The following RBBP8 variants were observed in gnomAD, a reference collection of about 807,000 sequenced individuals.
RBBP8 encodes DNA endonuclease RBBP8.
A neutral mutation model predicts 108.3 loss-of-function variants in RBBP8; 88 were observed. The ratio of observed to expected loss-of-function variants is 0.81; its 90% CI spans 0.68 to 0.97. The LOEUF (loss-of-function observed/expected upper bound fraction) is 0.97, where lower values mean the gene tolerates loss of function less well. RBBP8 is among the 50% of genes least tolerant of loss of function. The pLI, the probability that RBBP8 is intolerant of heterozygous loss-of-function variation, is 0.00. For missense variants in RBBP8, 1,023 were observed against 1,049.0 expected, an observed-to-expected ratio of 0.98 and a Z score of 0.34; for synonymous variants, 332 against 348.2, an observed-to-expected ratio of 0.95 and a Z score of 0.52.
At chr18:23,007,808 T>A (rs2046083010) in intron 16 of RBBP8, among the ~76,000 whole-genome samples, 2 of 151,522 alleles carry the variant, frequency 1.3e-5, no homozygotes, top group Admixed American at 6.6e-5. Flanking sequence ...AAGCATGTTT[T>A]GTTTTTTTGG....
chr18:22,994,719 T>TATC (rs779400900), intron 12 of RBBP8, among the ~76,000 whole-genome samples: 12 of 149,714 alleles, frequency 8.0e-5, no homozygotes, highest in African/African-American at 2.2e-4. Context: ...TGCTATATTT[T>TATC]ATTATTATTA....
chr18:23,012,207 C>CAAAAAAAAAAAAAA lies in RBBP8; in HGVS notation c.2358-4621_2358-4620insAAAAAAAAAAAAAA, dbSNP rs368600707. Among the ~76,000 whole-genome samples, 8 of 81,176 alleles carry CAAAAAAAAAAAAAA rather than the reference C, an allele frequency of 9.9e-5. 4 individuals carry two copies. Among genetic ancestry groups the CAAAAAAAAAAAAAA allele is most frequent in the Admixed American group, 3.4e-4 (2 of 5,896 alleles). The allele number at this position is 81,176 out of a possible 152,430, so 53.3% of individuals were successfully genotyped here. A position where few individuals can be genotyped will look rare whatever the true frequency, so the allele number is the denominator to read the frequency against. ...TGGGAGACAAAGTGAGATGCTGTCT[C>CAAAAAAAAAAAAAA]CAAAAAAAAAAAAAAAAAAAAAAAC... On this transcript the variant is annotated intron_variant, in intron 16 of 18. Transcript: ENST00000327155.
At chr18:22,928,193 T>C (rs1157634893) in intron 3 of RBBP8, among the ~76,000 whole-genome samples, 2 of 149,878 alleles carry the variant, frequency 1.3e-5, no homozygotes, top group Non-Finnish European at 2.9e-5. Context: ...AGAGTAAGAC[T>C]TTGTCTCCAA....
At chr18:22,957,286 TTTTTC>T (rs1317091002) in intron 4 of RBBP8, among the ~76,000 whole-genome samples, 3,673 of 102,070 alleles carry the variant, frequency 0.036, 70 homozygotes, top group Admixed American at 0.065. Context: ...TTGTAATTAC[TTTTTC>T]TTTTTTTTTT....
intron 3 of RBBP8, among the ~76,000 whole-genome samples, chr18:22,927,262 A>G (rs1909824039): frequency 6.6e-6 from 1 of 152,220 alleles, no homozygotes; most frequent in Non-Finnish European, 1.5e-5. Context: ...AAATAATCAT[A>G]AAGGATTTAA....
intron 16 of RBBP8, among the ~76,000 whole-genome samples, chr18:23,012,896 C>T (rs190427249): frequency 2.0e-5 from 3 of 152,134 alleles, no homozygotes; most frequent in Admixed American, 6.6e-5. Flanking sequence ...TGGGTTAATG[C>T]GCTGGTGACT....
In RBBP8 at chr18:22,952,575, G is replaced by A. The variant is rs146168671; in HGVS notation, c.248+2862G>A. Reference sequence around the variant, plus strand: ...GACATATACTATCTCCTAATTGGAAGATGATTCCAACTTTTAGCACTCTAA... The same window carrying A: ...GACATATACTATCTCCTAATTGGAAAATGATTCCAACTTTTAGCACTCTAA... On this transcript the variant is annotated intron_variant, in intron 4 of 18. Coordinates refer to ENST00000327155, the MANE Select transcript of RBBP8 (RefSeq NM_002894.3). Among the ~76,000 whole-genome samples, 603 of 152,262 alleles carry A rather than the reference G, an allele frequency of 4.0e-3. 6 individuals carry two copies. The highest frequency in any genetic ancestry group is 0.014 in the African/African-American group (569 of 41,538).
chr18:22,915,864 A>G (rs190759502), intron 2 of RBBP8, among the ~76,000 whole-genome samples: 3 of 152,264 alleles, frequency 2.0e-5, no homozygotes. Context: ...AACTAGATAT[A>G]CATTTATATA....
intron 2 of RBBP8, among the ~76,000 whole-genome samples, chr18:22,946,050 A>G (rs1026313501): frequency 5.9e-5 from 9 of 152,244 alleles, no homozygotes; most frequent in Non-Finnish European, 1.2e-4. Flanking sequence ...GAATTTTGCT[A>G]CTAGTCCAGG....
At chr18:22,940,320 C>CTTTTTT (rs146953584) in intron 2 of RBBP8, among the ~76,000 whole-genome samples, 1 of 110,308 alleles carries the variant, frequency 9.1e-6, no homozygotes, top group Non-Finnish European at 1.9e-5. Context: ...TTCTATATTT[C>CTTTTTT]TTTTTTTTTT....
intron 4 of RBBP8, among the ~76,000 whole-genome samples, chr18:22,953,513 A>G (rs1202747708): frequency 6.6e-6 from 1 of 152,216 alleles, no homozygotes; most frequent in Admixed American, 6.5e-5. Flanking sequence ...TCCCCAAGAT[A>G]GTATTCTTCA....
rs1271196832 is a variant in RBBP8, at chr18:22,933,372, T to G, written c.-291T>G. 1 of 152,246 alleles carries G rather than the reference T, an allele frequency of 6.6e-6. No individual in the cohort carries two copies. Among genetic ancestry groups the G allele is most frequent in the Non-Finnish European group, 1.5e-5 (1 of 68,004 alleles). 9.4% of individuals were successfully genotyped at this position (152,246 alleles called of 1,614,324 possible). ...CCCGGGCGGGGCGGGTCCGGCCGCC[T>G]CCGAGCCCGGCCGGCAGCCCCCGGC... is the stretch of plus-strand genomic sequence containing the variant. On this transcript the variant is annotated 5_prime_UTR_variant, in exon 1 of 19. Coordinates refer to ENST00000327155, the MANE Select transcript of RBBP8 (RefSeq NM_002894.3).
At chr18:22,918,251 T>A (rs991205999) in intron 3 of RBBP8, among the ~76,000 whole-genome samples, 2 of 152,204 alleles carry the variant, frequency 1.3e-5, no homozygotes, top group African/African-American at 4.8e-5. Context: ...ATGCATCAAG[T>A]AACAACAGGG....
chr18:22,978,211 C>T (rs1008540857), intron 6 of RBBP8, among the ~76,000 whole-genome samples: 1 of 152,176 alleles, frequency 6.6e-6, no homozygotes, highest in African/African-American at 2.4e-5. Flanking sequence ...AATTATAGGT[C>T]TTTAGGGAAG....
At chr18:22,999,262 C>T (rs543654654) in intron 14 of RBBP8, among the ~76,000 whole-genome samples, 28 of 152,240 alleles carry the variant, frequency 1.8e-4, no homozygotes, top group Admixed American at 2.0e-4. Context: ...TCCTGTGGCT[C>T]AGGAATTCAG....
intron 6 of RBBP8, among the ~76,000 whole-genome samples, chr18:22,980,965 CTTTTTTTTTTTTT>C (rs1167377654): frequency 2.9e-5 from 2 of 69,488 alleles, no homozygotes; most frequent in Non-Finnish European, 5.2e-5. Flanking sequence ...CCACTTATGT[CTTTTTTTTTTTTT>C]TTTTTTTTTT....
chr18:23,022,894 C>G (rs1053082983), intron 18 of RBBP8, among the ~76,000 whole-genome samples: 3 of 127,126 alleles, frequency 2.4e-5, no homozygotes, highest in African/African-American at 5.9e-5. Context: ...CTCTTTTATT[C>G]TATCATCAAA....
intron 2 of RBBP8, among the ~76,000 whole-genome samples, chr18:22,941,947 T>C (rs778236262): frequency 6.6e-6 from 1 of 152,156 alleles, no homozygotes; most frequent in East Asian, 1.9e-4. Context: ...TAAGTAGATA[T>C]GTCATTTTAA....
intron 6 of RBBP8, among the ~76,000 whole-genome samples, chr18:22,979,352 A>G (rs1914731014): frequency 6.6e-6 from 1 of 152,102 alleles, no homozygotes; most frequent in Non-Finnish European, 1.5e-5. Flanking sequence ...AAAATTTTAA[A>G]TAATTAGACA....
Sources: allele counts gnomAD v4.1 joint callset (sites outside exome capture counted in the v4.1 genomes callset), GRCh38; gene constraint gnomAD v4.1.1; transcripts MANE v1.5; gene names NCBI Gene and HGNC (gene_info 2026-07-23, HGNC 2026-07-21).